RABGAP1: variants seen among roughly 807,000 people sequenced by gnomAD.
RABGAP1 encodes the protein rab GTPase-activating protein 1.
In RABGAP1, 23 loss-of-function variants were observed where a neutral mutation model predicts 137.6. That is an observed-to-expected ratio of 0.17 (90% CI 0.12 to 0.24). The LOEUF is 0.24. Ranked by LOEUF, RABGAP1 falls within the 10% of genes least tolerant of loss-of-function variation. The pLI, the probability that RABGAP1 is intolerant of heterozygous loss-of-function variation, is 1.00. For synonymous variants in RABGAP1, 451 were observed against 450.7 expected, an observed-to-expected ratio of 1.00 and a Z score of -0.01; for missense variants, 906 against 1,275.8, an observed-to-expected ratio of 0.71 and a Z score of 4.42.
chr9:122,972,776 G>T (rs1321039552), intron 2 of RABGAP1, among the ~76,000 whole-genome samples: 2 of 152,084 alleles, frequency 1.3e-5, no homozygotes, highest in Non-Finnish European at 2.9e-5. Flanking sequence ...AAGGCTTCTT[G>T]GAGTTGGTAA....
Position 122,996,069 on chromosome 9 carries a change from T to G in RABGAP1, c.952T>G (p.Cys318Gly), listed in dbSNP as rs777655281. Reference protein sequence around the residue: ...SAVPKDKDRQCFKLRQGIDKK... With the variant: ...SAVPKDKDRQGFKLRQGIDKK... The stretch of plus-strand genomic sequence containing the variant: ...AGTTCCCAAAGATAAGGACAGACAG[T>G]GCTTTAAACTACGCCAAGGAATTGA... The change falls in exon 7 of 26, where the codon TGC (cysteine) becomes GGC (glycine). Residue 318 changes from cysteine to glycine, a missense_variant. Around this residue, in one of 9 missense-constraint regions of RABGAP1, gnomAD observed 17 missense variants for 57.4 expected, o/e 0.30. Transcript: ENST00000373647. The G allele has an allele frequency of 6.2e-7, 1 of 1,612,358 alleles. No individual in the cohort carries two copies. The highest frequency in any genetic ancestry group is 8.5e-7 in the Non-Finnish European group (1 of 1,179,540).
chr9:122,947,277 C>A (rs1833995468), intron 1 of RABGAP1, among the ~76,000 whole-genome samples: 1 of 152,060 alleles, frequency 6.6e-6, no homozygotes, highest in Non-Finnish European at 1.5e-5. Context: ...TTATATGATA[C>A]ACCTAGAGTA....
the RABGAP1 span, among the ~76,000 whole-genome samples, chr9:122,933,122 T>G: frequency 1.3e-5 from 2 of 152,306 alleles, no homozygotes; most frequent in South Asian, 2.1e-4. Context: ...GTTCCTCTAT[T>G]TCCTCACTTA....
chr9:123,097,632 C>G, intron 21 of RABGAP1, 109 bp from the exon 22 acceptor site: 1 of 897,628 alleles, frequency 1.1e-6, no homozygotes, highest in Non-Finnish European at 1.7e-6. Context: ...AATTTCCCCT[C>G]TCTGAATCAG....
At chr9:122,969,466 T>A (rs906405622) in intron 2 of RABGAP1, among the ~76,000 whole-genome samples, 2 of 152,222 alleles carry the variant, frequency 1.3e-5, no homozygotes, top group African/African-American at 4.8e-5. Context: ...ATTTGTATAT[T>A]ATGTAAGGTT....
chr9:123,006,419 A>G (rs1394567978), intron 10 of RABGAP1, among the ~76,000 whole-genome samples: 1 of 152,186 alleles, frequency 6.6e-6, no homozygotes, highest in African/African-American at 2.4e-5. Flanking sequence ...ATCTTTTTCC[A>G]AATGGCTATT....
intron 19 of RABGAP1, among the ~76,000 whole-genome samples, chr9:123,080,607 A>G (rs1453658191): frequency 6.6e-6 from 1 of 152,198 alleles, no homozygotes; most frequent in Non-Finnish European, 1.5e-5. Context: ...TTAGGAAGTC[A>G]TTGGCAAGTG....
chr9:122,951,672 G>GC (rs1392469145), intron 1 of RABGAP1, among the ~76,000 whole-genome samples: 1 of 151,868 alleles, frequency 6.6e-6, no homozygotes, highest in Non-Finnish European at 1.5e-5. Flanking sequence ...CTGGACTCAA[G>GC]CAGTCCTCTG....
chr9:123,018,579 A>G (rs766037192), intron 12 of RABGAP1, among the ~76,000 whole-genome samples: 1 of 152,250 alleles, frequency 6.6e-6, no homozygotes, highest in Non-Finnish European at 1.5e-5. Flanking sequence ...CCCACAGGCT[A>G]TAGCATACCA....
At chr9:123,087,134 G>A (rs1345481262) in intron 19 of RABGAP1, among the ~76,000 whole-genome samples, 3 of 152,146 alleles carry the variant, frequency 2.0e-5, no homozygotes, top group Admixed American at 1.3e-4. Flanking sequence ...TGTTATATAT[G>A]ATACTGAGGG....
At chr9:123,043,334 C>G (rs954374152) in intron 13 of RABGAP1, among the ~76,000 whole-genome samples, 5 of 151,914 alleles carry the variant, frequency 3.3e-5, no homozygotes, top group African/African-American at 1.2e-4. Flanking sequence ...TAAATAGGAG[C>G]AGGAACAAAG....
In RABGAP1 at chr9:122,998,786, A is replaced by G. The variant is rs1421387482; in HGVS notation, c.1374+20A>G. ...AAACAGGTACTGTATTTTTCTATTA[A>G]TATAGAAGGGGGAATAAGAAAGGAG... On this transcript the variant is annotated intron_variant, in intron 10 of 25. Transcript: ENST00000373647. The G allele has an allele frequency of 6.8e-7, 1 of 1,473,248 alleles. No homozygotes were observed. The highest frequency in any genetic ancestry group is 9.3e-7 in the Non-Finnish European group (1 of 1,077,248). 91.3% of individuals were successfully genotyped at this position (1,473,248 alleles called of 1,614,324 possible).
At chr9:122,976,736 G>T (rs1835776744) in intron 2 of RABGAP1, among the ~76,000 whole-genome samples, 1 of 152,178 alleles carries the variant, frequency 6.6e-6, no homozygotes, top group Non-Finnish European at 1.5e-5. Context: ...TGCCCAGTCT[G>T]GTTCAAGGGA....
intron 8 of RABGAP1, 83 bp downstream of exon 8, chr9:122,996,688 T>A: frequency 8.8e-7 from 1 of 1,141,138 alleles, no homozygotes; most frequent in African/African-American, 1.6e-5. Context: ...AATCTAGTGT[T>A]AAAACATGTT....
chr9:123,003,608 TTC>T (rs1189431089), intron 10 of RABGAP1, among the ~76,000 whole-genome samples: 1 of 152,250 alleles, frequency 6.6e-6, no homozygotes, highest in Non-Finnish European at 1.5e-5. Context: ...TAAAAATTGA[TTC>T]TTTTTCCTTT....
intron 11 of RABGAP1, among the ~76,000 whole-genome samples, chr9:123,011,149 A>G (rs907995203): frequency 6.6e-6 from 1 of 152,068 alleles, no homozygotes; most frequent in Non-Finnish European, 1.5e-5. Context: ...ACTTACTACC[A>G]GGGCTTCGAA....
intron 15 of RABGAP1, among the ~76,000 whole-genome samples, chr9:123,073,024 C>T (rs1245218840): frequency 2.0e-5 from 3 of 152,084 alleles, no homozygotes; most frequent in Admixed American, 1.3e-4. Flanking sequence ...TTACTGCAAG[C>T]CTTAGAATAT....
chr9:122,995,558 A>G (rs1293612024), intron 6 of RABGAP1, among the ~76,000 whole-genome samples: 3 of 143,540 alleles, frequency 2.1e-5, no homozygotes, highest in African/African-American at 7.8e-5. Context: ...ACCTGCAAAT[A>G]TCAAATGATT....
intron 19 of RABGAP1, among the ~76,000 whole-genome samples, chr9:123,087,160 A>G (rs2034892412): frequency 6.6e-6 from 1 of 152,222 alleles, no homozygotes; most frequent in Admixed American, 6.5e-5. Flanking sequence ...CAACCCTATT[A>G]CTATGAGGGT....
Sources: gnomAD v4.1 joint callset for allele counts (sites outside exome capture counted in the v4.1 genomes callset) on GRCh38, gnomAD v4.1.1 for gene constraint, gnomAD v4.1.1 regional missense constraint, MANE v1.5 for transcripts, NCBI Gene and HGNC (gene_info 2026-07-23, HGNC 2026-07-21) for gene names.